Variants in SLC13A1 observed in about 807,000 individuals in gnomAD.
SLC13A1 encodes Na(+)/sulfate cotransporter.
In SLC13A1, 65 loss-of-function variants were observed where a neutral mutation model predicts 70.0. That is an observed-to-expected ratio of 0.93 (90% CI 0.76 to 1.14). The LOEUF (loss-of-function observed/expected upper bound fraction) is 1.14. Among genes scored for constraint, SLC13A1 ranks in the 50% most tolerant of loss-of-function variants. SLC13A1 has a pLI of 0.00. For missense variants in SLC13A1, 726 were observed against 717.8 expected, an observed-to-expected ratio of 1.01 and a Z score of -0.13; for synonymous variants, 275 against 250.5, an observed-to-expected ratio of 1.10 and a Z score of -0.92.
At position 123,138,640 on chromosome 7, in the gene SLC13A1, T is replaced by C. The variant is rs117542934; in HGVS notation, c.813-4111A>G. ...CCTGGGGTGAGATGATATCTCTTTG[T>C]AGTTTTGATTTACATTTCTCTGATG... On this transcript the variant is annotated intron_variant, in intron 7 of 14. Transcript: ENST00000194130. Among the ~76,000 whole-genome samples the C allele has an allele frequency of 8.2e-3, 1,249 of 152,294 alleles. 7 individuals carry two copies. The highest frequency in any genetic ancestry group is 0.014 in the Middle Eastern group (4 of 294).
intron 6 of SLC13A1, among the ~76,000 whole-genome samples, chr7:123,150,120 TCTACC>T (rs1243810952): frequency 6.6e-6 from 1 of 152,192 alleles, no homozygotes; most frequent in Non-Finnish European, 1.5e-5. Context: ...ATGTTGCTCC[TCTACC>T]CTACTGTGTT....
At chr7:123,174,433 C>T (rs1041876601) in intron 2 of SLC13A1, among the ~76,000 whole-genome samples, 1 of 152,128 alleles carries the variant, frequency 6.6e-6, no homozygotes, top group Non-Finnish European at 1.5e-5. Flanking sequence ...AGACAGAGAC[C>T]TAAAGGTCAG....
In SLC13A1 at chr7:123,129,389, G is replaced by T. The variant is rs201161356; in HGVS notation, c.1025C>A (p.Pro342Gln). ...GTGTGTGTGTTTGTCTTACCTTATT[G>T]GCCCAAGCTTTTGGTATTCTTGCTT... is the stretch of plus-strand genomic sequence containing the variant. Reference protein sequence around the residue: ...VIKQEYQKLGPIRYQEIVTLV... With the variant: ...VIKQEYQKLGQIRYQEIVTLV... Residue 342 changes from proline (P) to glutamine (Q), a missense_variant, in exon 9 of 15, where the codon CCA becomes CAA. Physicochemically the swap from Pro to Gln is moderately conservative, Grantham distance 76. Coordinates refer to ENST00000194130, the MANE Select transcript of SLC13A1 (RefSeq NM_022444.4). 21 of 1,564,304 alleles carry T rather than the reference G, an allele frequency of 1.3e-5. No homozygotes were observed. The East Asian group carries it at 4.5e-4, about 34-fold the overall frequency.
chr7:123,125,955 A>C (rs1793544782), intron 10 of SLC13A1, among the ~76,000 whole-genome samples: 1 of 152,208 alleles, frequency 6.6e-6, no homozygotes, highest in Non-Finnish European at 1.5e-5. Context: ...CAAAGTGGCA[A>C]ATTTCCCTTT....
At chr7:123,186,466 T>C (rs1333042860) in intron 1 of SLC13A1, among the ~76,000 whole-genome samples, 2 of 152,130 alleles carry the variant, frequency 1.3e-5, no homozygotes, top group Non-Finnish European at 2.9e-5. Flanking sequence ...TTTCAAGCTA[T>C]ATTATCTTTG....
At position 123,114,076 on chromosome 7, in the gene SLC13A1, T is replaced by C. The variant is rs1585273301; in HGVS notation, c.*1442A>G. 1 of 91,998 alleles carries C rather than the reference T, an allele frequency of 1.1e-5. No homozygotes were observed. Among genetic ancestry groups the C allele is most frequent in the East Asian group, 3.6e-4 (1 of 2,810 alleles). The allele number at this position is 91,998 out of a possible 1,614,324, so 5.7% of individuals were successfully genotyped here. A position where few individuals can be genotyped will look rare whatever the true frequency, so the allele number is the denominator to read the frequency against. ...TCCAGCCTGGGCGACAGAGCGAGAC[T>C]CCGTCTCAAAAAAAAAAAAAAAAAA... On this transcript the variant is annotated 3_prime_UTR_variant, in exon 15 of 15. Transcript: ENST00000194130.
chr7:123,179,454 G>A (rs548742614), intron 2 of SLC13A1, among the ~76,000 whole-genome samples: 1 of 152,170 alleles, frequency 6.6e-6, no homozygotes. Context: ...TCCCTTTCAA[G>A]TCTAAGATTC....
At chr7:123,154,180 T>G (rs2116460995) in intron 6 of SLC13A1, among the ~76,000 whole-genome samples, 1 of 152,258 alleles carries the variant, frequency 6.6e-6, no homozygotes, top group Middle Eastern at 3.4e-3. Flanking sequence ...CTGTACCAAC[T>G]TGCCTTCCAG....
Position 123,147,323 on chromosome 7 carries a change from A to G in SLC13A1, c.661-13T>C. 6.2e-7 allele frequency: 1 copy of G among 1,612,362 alleles called. No homozygotes were observed. The highest frequency in any genetic ancestry group is 8.5e-7 in the Non-Finnish European group (1 of 1,179,298). The stretch of plus-strand genomic sequence containing the variant: ...TCATGCCTGAGTTCTGTTCAACAAC[A>G]ACAAAAAACTACCATGAGAACTGCT... On this transcript the variant is annotated splice_polypyrimidine_tract_variant and intron_variant, in intron 6 of 14. Transcript: ENST00000194130.
rs1230544522 is a variant in SLC13A1 at position 123,115,629 on chromosome 7, A to G, written c.1677T>C (p.Ile559=). The change falls in exon 15 of 15, where the codon ATT becomes ATC. Residue 559 remains isoleucine, a synonymous_variant. Transcript: ENST00000194130. ...DMVKAGLGVN[I]VGVAVVMLGI... is the part of the protein sequence containing the mutation. ...CAAGCATAACCACAGCAACACCAACAATGTTGACACCAAGTCCAGCTTTAA... is the reference window on the plus strand; with the variant it reads ...CAAGCATAACCACAGCAACACCAACGATGTTGACACCAAGTCCAGCTTTAA... 1 of 1,613,910 alleles carries G rather than the reference A, an allele frequency of 6.2e-7. No individual in the cohort carries two copies. The highest frequency in any genetic ancestry group is 1.1e-5 in the South Asian group (1 of 91,080).
In SLC13A1 at chr7:123,180,300, T is replaced by C. The variant is rs566005319; in HGVS notation, c.228+673A>G. 9.2e-5 allele frequency among the ~76,000 whole-genome samples: 14 copies of C among 152,260 alleles called. No homozygotes were observed. The South Asian group carries it at 2.9e-3, about 32-fold the overall frequency. The stretch of plus-strand genomic sequence containing the variant: ...AGCAATGTTAGACCCAGGCAGAAGA[T>C]AGAAGTCCAAAGGTGATAAATTGCA... On this transcript the variant is annotated intron_variant, in intron 2 of 14. Coordinates refer to ENST00000194130, the MANE Select transcript of SLC13A1 (RefSeq NM_022444.4).
chr7:123,155,306 C>T (rs1436866236), intron 6 of SLC13A1, among the ~76,000 whole-genome samples: 1 of 151,602 alleles, frequency 6.6e-6, no homozygotes, highest in Non-Finnish European at 1.5e-5. Flanking sequence ...ACTGAATTTT[C>T]CATTTATGCT....
rs1793442596 is a variant in SLC13A1, at chr7:123,123,119, G to A, written c.1350+7C>T. ...AATTGTTAAATATCTTACACACAGA[G>A]TATTACCTCACAACCATCTGCCAGG... On this transcript the variant is annotated splice_region_variant and intron_variant, in intron 12 of 14. Coordinates refer to ENST00000194130, the MANE Select transcript of SLC13A1 (RefSeq NM_022444.4). The A allele has an allele frequency of 4.5e-6, 7 of 1,571,944 alleles. No homozygotes were observed. Among genetic ancestry groups the A allele is most frequent in the East Asian group, 4.5e-5 (2 of 44,672 alleles).
intron 7 of SLC13A1, among the ~76,000 whole-genome samples, chr7:123,138,330 G>A (rs1358501304): frequency 6.6e-6 from 1 of 152,148 alleles, no homozygotes; most frequent in Non-Finnish European, 1.5e-5. Context: ...CACTTAGGTT[G>A]CATCCAAATC....
chr7:123,152,084 C>A (rs1794577203), intron 6 of SLC13A1, among the ~76,000 whole-genome samples: 1 of 152,012 alleles, frequency 6.6e-6, no homozygotes, highest in Non-Finnish European at 1.5e-5. Context: ...CACTTATTAT[C>A]TTTTGTCTTC....
At chr7:123,169,042 T>G (rs1795166002) in intron 4 of SLC13A1, 106 bp downstream of exon 4, 1 of 946,526 alleles carries the variant, frequency 1.1e-6, no homozygotes, top group Non-Finnish European at 1.6e-6. Context: ...TAAATTCATA[T>G]CATGCATGTA....
chr7:123,123,219 A>G lies in SLC13A1; in HGVS notation c.1257T>C (p.Ser419=), dbSNP rs1563317752. 6.2e-7 allele frequency: 1 copy of G among 1,612,720 alleles called. No homozygotes were observed. The highest frequency in any genetic ancestry group is 8.5e-7 in the Non-Finnish European group (1 of 1,178,882). ...PTGEIVAFDY[S]PLITWKEFQS... is the part of the protein sequence containing the mutation. ...GGAATTCTTTCCAAGTAATCAGTGG[A>G]GAGTAATCAAAAGCAACTGCAAAAC... The change falls in exon 12 of 15, where the codon TCT becomes TCC. Residue 419 remains serine, a synonymous_variant. Transcript: ENST00000194130.
At chr7:123,158,734 G>C (rs1163289320) in intron 6 of SLC13A1, among the ~76,000 whole-genome samples, 1 of 151,796 alleles carries the variant, frequency 6.6e-6, no homozygotes, top group East Asian at 1.9e-4. Flanking sequence ...CTGATAGCTA[G>C]CTGACTTTTA....
chr7:123,129,470 A>G lies in SLC13A1; in HGVS notation c.944T>C (p.Met315Thr). The G allele has an allele frequency of 6.2e-7, 1 of 1,613,084 alleles. No homozygotes were observed. The highest frequency in any genetic ancestry group is 1.1e-5 in the South Asian group (1 of 91,010). Reference protein sequence around the residue: ...WLFLGFNFKEMFKCGKTKTVQ... With the variant: ...WLFLGFNFKETFKCGKTKTVQ... ...TGTTTTGGTTTTGCCACATTTGAAC[A>G]TCTCCTTAAAACTGCAAAGAATAAT... Residue 315 changes from methionine to threonine, a missense_variant, in exon 9 of 15, where the codon ATG becomes ACG. By Grantham distance (81) the Met-to-Thr change is moderately conservative (BLOSUM62 -1). Coordinates refer to ENST00000194130, the MANE Select transcript of SLC13A1 (RefSeq NM_022444.4).
Sources: gnomAD v4.1 joint callset for allele counts (sites outside exome capture counted in the v4.1 genomes callset) on GRCh38, gnomAD v4.1.1 for gene constraint, MANE v1.5 for transcripts, NCBI Gene and HGNC (gene_info 2026-07-23, HGNC 2026-07-21) for gene names.